IGF2BP1: variants seen among roughly 807,000 people sequenced by gnomAD.
IGF2BP1 encodes the protein insulin like growth factor 2 mRNA binding protein 1.
In IGF2BP1, 11 loss-of-function variants were observed where a neutral mutation model predicts 74.9. The ratio of observed to expected loss-of-function variants is 0.15; its 90% CI spans 0.09 to 0.24. The LOEUF is 0.24. Ranked by LOEUF, IGF2BP1 falls within the 10% of genes least tolerant of loss-of-function variation. The pLI is 1.00. For missense variants in IGF2BP1, 440 were observed against 757.4 expected (o/e 0.58, Z 4.92); for synonymous variants, 287 against 281.8 (o/e 1.02, Z -0.18).
At chr17:49,025,732 G>C in intron 3 of IGF2BP1, 66 bp downstream of exon 3, 3 of 1,445,846 alleles carry the variant, frequency 2.1e-6, no homozygotes, top group Non-Finnish European at 2.9e-6. Context: ...GTCTGGACTA[G>C]CTGGAGTTGC....
intron 2 of IGF2BP1, among the ~76,000 whole-genome samples, chr17:49,009,608 CT>C (rs941412981): frequency 6.6e-6 from 1 of 151,692 alleles, no homozygotes; most frequent in African/African-American, 2.4e-5. Context: ...ACTCTGGAGG[CT>C]GAGGCAGGAG....
intron 2 of IGF2BP1, among the ~76,000 whole-genome samples, chr17:49,002,204 T>G (rs1035579732): frequency 2.6e-5 from 4 of 152,162 alleles, no homozygotes; most frequent in Non-Finnish European, 1.5e-5. Flanking sequence ...ATTAGTTTTA[T>G]AAATCGTTCA....
In IGF2BP1 at chr17:49,049,433, C is replaced by T. The variant is rs149888111; in HGVS notation, c.1723C>T (p.Arg575Trp). 45 of 1,613,926 alleles carry T rather than the reference C, an allele frequency of 2.8e-5. No homozygotes were observed. In the East Asian group the frequency reaches 3.6e-4, roughly 13 times the overall value. ...GGGACAGAGTAACCAGGCCCAGGCA[C>T]GGAGGAAGTGACCAGCCCCTCCCTG... is the stretch of plus-strand genomic sequence containing the variant. Reference protein sequence around the residue: ...QKGQSNQAQARRK With the variant: ...QKGQSNQAQAWRK The change falls in exon 15 of 15, where the codon CGG becomes TGG. Residue 575 changes from arginine (R) to tryptophan (W), a missense_variant. By Grantham distance (101) the Arg-to-Trp change is moderately radical. Around this residue, in one of 5 missense-constraint regions of IGF2BP1, gnomAD observed 117 missense variants for 237.2 expected, o/e 0.49. Transcript: ENST00000290341.
At chr17:49,032,716 G>A (rs2041939923) in intron 5 of IGF2BP1, among the ~76,000 whole-genome samples, 1 of 151,966 alleles carries the variant, frequency 6.6e-6, no homozygotes, top group South Asian at 2.1e-4. Flanking sequence ...ATACCTCCTG[G>A]GCTCAGAATT....
At chr17:49,025,849 TTTTC>T (rs1279111353) in intron 3 of IGF2BP1, among the ~76,000 whole-genome samples, 183 bp downstream of exon 3, 2 of 127,624 alleles carry the variant, frequency 1.6e-5, no homozygotes, top group African/African-American at 5.9e-5. Flanking sequence ...TCTTTCTTTC[TTTTC>T]TTTCTTTTTT....
intron 4 of IGF2BP1, among the ~76,000 whole-genome samples, chr17:49,028,764 G>C (rs1462915658): frequency 6.6e-6 from 1 of 152,170 alleles, no homozygotes; most frequent in African/African-American, 2.4e-5. Flanking sequence ...CACTTTGTGA[G>C]TGAGGTCCAT....
chr17:48,999,082 T>G, intron 1 of IGF2BP1, 27 bp from the exon 2 acceptor site: 6 of 1,337,056 alleles, frequency 4.5e-6, no homozygotes, highest in Non-Finnish European at 6.4e-6. Context: ...CAAGCTCTCA[T>G]GGTAATTTTT....
At chr17:49,041,323 G>A in intron 7 of IGF2BP1, 55 bp from the exon 8 acceptor site, 1 of 1,603,116 alleles carries the variant, frequency 6.2e-7, no homozygotes, top group African/African-American at 1.3e-5. Context: ...GAGTCTTCAT[G>A]AAGCCCACAA....
At position 49,055,142 on chromosome 17, in the gene IGF2BP1, TA is replaced by T. The variant is rs4008049; in HGVS notation, c.*5711del. ...GAGAATACTTTCCAAAAAATAAAATTAAAAAAAAAAAAACCAAAAAAAAAAA... is the reference window on the plus strand; with the variant it reads ...GAGAATACTTTCCAAAAAATAAAATTAAAAAAAAAAAACCAAAAAAAAAAA... On this transcript the variant is annotated 3_prime_UTR_variant, in exon 15 of 15. Transcript: ENST00000290341. 87,961 of 142,294 alleles carry T rather than the reference TA, an allele frequency of 0.62. 27,083 individuals are homozygous for T. The highest frequency in any genetic ancestry group is 0.73 in the African/African-American group (28,389 of 38,914). 8.8% of individuals were successfully genotyped at this position (142,294 alleles called of 1,614,324 possible).
At chr17:49,013,096 G>T (rs2041641746) in intron 2 of IGF2BP1, 1 of 152,146 alleles carries the variant, frequency 6.6e-6, no homozygotes, top group Non-Finnish European at 1.5e-5. Context: ...GCCTCTTGTG[G>T]TGGTTCCAGG....
chr17:49,037,668 C>G (rs911137871), intron 5 of IGF2BP1, among the ~76,000 whole-genome samples: 2 of 152,120 alleles, frequency 1.3e-5, no homozygotes, highest in African/African-American at 4.8e-5. Context: ...CTCCTTTGAC[C>G]TTGGTTTCAT....
chr17:49,043,690 T>C, intron 10 of IGF2BP1, 140 bp downstream of exon 10: 1 of 1,085,482 alleles, frequency 9.2e-7, no homozygotes, highest in Non-Finnish European at 1.3e-6. Flanking sequence ...ATCCCTCCTC[T>C]CCAGTGCTCC....
At position 49,054,041 on chromosome 17, in the gene IGF2BP1, G is replaced by A. The variant is rs2042197569; in HGVS notation, c.*4597G>A. The A allele has an allele frequency of 6.5e-6, 1 of 152,686 alleles. No homozygotes were observed. The highest frequency in any genetic ancestry group is 2.4e-5 in the African/African-American group (1 of 41,456). The allele number at this position is 152,686 out of a possible 1,614,324, so 9.5% of individuals were successfully genotyped here. ...CAATTTAGATGCAGAACATTTCTCT[G>A]TATTCAGACTTAGAGTAACACCAGC... On this transcript the variant is annotated 3_prime_UTR_variant, in exon 15 of 15. Coordinates refer to ENST00000290341, the MANE Select transcript of IGF2BP1 (RefSeq NM_006546.4).
At position 49,050,497 on chromosome 17, in the gene IGF2BP1, C is replaced by T. The variant is rs1025017837; in HGVS notation, c.*1053C>T. On this transcript the variant is annotated 3_prime_UTR_variant, in exon 15 of 15. Transcript: ENST00000290341. Reference sequence around the variant, plus strand: ...CCATGTGCTCCCATAAGGGCTGGTTCCTAGAGGCAGGGGTTGTGGGGCACT... The same window carrying T: ...CCATGTGCTCCCATAAGGGCTGGTTTCTAGAGGCAGGGGTTGTGGGGCACT... 1.3e-5 allele frequency: 2 copies of T among 152,144 alleles called. No homozygotes were observed. Among genetic ancestry groups the T allele is most frequent in the African/African-American group, 4.8e-5 (2 of 41,434 alleles). 9.4% of individuals were successfully genotyped at this position (152,144 alleles called of 1,614,324 possible). A position where few individuals can be genotyped will look rare whatever the true frequency, so the allele number is the denominator to read the frequency against.
intron 14 of IGF2BP1, 89 bp downstream of exon 14, chr17:49,046,462 G>A (rs4265867): frequency 0.027 from 26,218 of 972,150 alleles, 764 homozygotes; most frequent in Admixed American, 0.13. Context: ...CCTTCATGAC[G>A]TTGACAAGTC....
At chr17:49,040,322 C>G (rs1466234200) in intron 7 of IGF2BP1, among the ~76,000 whole-genome samples, 1 of 152,226 alleles carries the variant, frequency 6.6e-6, no homozygotes, top group Non-Finnish European at 1.5e-5. Context: ...CTCAAGGGAT[C>G]CTCCCGCCTC....
intron 3 of IGF2BP1, 121 bp from the exon 4 acceptor site, chr17:49,026,345 C>A: frequency 2.4e-6 from 2 of 832,850 alleles, no homozygotes; most frequent in Non-Finnish European, 2.1e-6. Context: ...GGTAATAATG[C>A]TCAAACACTC....
At chr17:49,009,846 G>A (rs983904241) in intron 2 of IGF2BP1, among the ~76,000 whole-genome samples, 7 of 151,878 alleles carry the variant, frequency 4.6e-5, no homozygotes, top group African/African-American at 1.5e-4. Context: ...TTGGGAGGCC[G>A]AGGTGGGTGG....
rs1056098599 is a variant in IGF2BP1, at chr17:49,031,894, T to C, written c.338-16T>C. 2 of 1,612,584 alleles carry C rather than the reference T, an allele frequency of 1.2e-6. No individual in the cohort carries two copies. The highest frequency in any genetic ancestry group is 1.1e-5 in the South Asian group (1 of 91,036). On this transcript the variant is annotated splice_polypyrimidine_tract_variant and intron_variant, in intron 4 of 14. Coordinates refer to ENST00000290341, the MANE Select transcript of IGF2BP1 (RefSeq NM_006546.4). Reference sequence around the variant, plus strand: ...AGATTTCCCTGCTCTGAGGTTATCCTCTCTTTTCTCTGCAGTGAACACCGA... The same window carrying C: ...AGATTTCCCTGCTCTGAGGTTATCCCCTCTTTTCTCTGCAGTGAACACCGA...
Sources: gnomAD v4.1 joint callset for allele counts (sites outside exome capture counted in the v4.1 genomes callset) on GRCh38, gnomAD v4.1.1 for gene constraint, gnomAD v4.1.1 regional missense constraint, MANE v1.5 for transcripts, NCBI Gene and HGNC (gene_info 2026-07-23, HGNC 2026-07-21) for gene names.